Variants in EPHA7 observed in about 807,000 individuals in gnomAD.
EPHA7 encodes ephrin type-A receptor 7.
A neutral mutation model predicts 112.6 loss-of-function variants in EPHA7; 25 were observed. That is an observed-to-expected ratio of 0.22 (90% CI 0.16 to 0.31). EPHA7 has a LOEUF of 0.31. EPHA7 is among the 10% of genes least tolerant of loss of function. The pLI is 1.00. For synonymous variants in EPHA7, 437 were observed against 406.5 expected (o/e 1.07, Z -0.90); for missense variants, 962 against 1,212.6 (o/e 0.79, Z 3.07).
chr6:93,344,766 C>T (rs966109696), intron 5 of EPHA7, among the ~76,000 whole-genome samples: 12 of 151,556 alleles, frequency 7.9e-5, no homozygotes, highest in South Asian at 4.1e-4. Flanking sequence ...GAGAAAATTT[C>T]CCTTCCTTTG....
At chr6:93,418,905 T>G (rs964749157) in intron 1 of EPHA7, among the ~76,000 whole-genome samples, 3 of 152,162 alleles carry the variant, frequency 2.0e-5, no homozygotes, top group African/African-American at 7.2e-5. Context: ...TAGAGAGAGA[T>G]GTGACCCGCC....
At chr6:93,377,859 G>A (rs919530533) in intron 3 of EPHA7, among the ~76,000 whole-genome samples, 14 of 151,938 alleles carry the variant, frequency 9.2e-5, no homozygotes, top group African/African-American at 2.4e-4. Flanking sequence ...TCAGTCATTC[G>A]CTAATTCATT....
chr6:93,398,952 CGTGTTTTCCCAGTTCCA>C (rs1475070654), intron 3 of EPHA7, among the ~76,000 whole-genome samples: 1 of 152,070 alleles, frequency 6.6e-6, no homozygotes, highest in Non-Finnish European at 1.5e-5. Context: ...TCTTGAGCCA[CGTGTTTTCCCAGTTCCA>C]GCTCACAGCC....
intron 1 of EPHA7, among the ~76,000 whole-genome samples, chr6:93,418,711 G>T (rs1213231289): frequency 2.0e-5 from 3 of 152,216 alleles, no homozygotes. Context: ...GACGCAGTGA[G>T]CACTTCATTA....
At chr6:93,363,116 G>A (rs187938138) in intron 3 of EPHA7, among the ~76,000 whole-genome samples, 14 of 152,110 alleles carry the variant, frequency 9.2e-5, no homozygotes, top group African/African-American at 2.9e-4. Flanking sequence ...ACATTAGGAA[G>A]GCTTTGATAG....
chr6:93,285,717 T>C (rs1377527655), intron 5 of EPHA7, among the ~76,000 whole-genome samples: 2 of 152,246 alleles, frequency 1.3e-5, no homozygotes, highest in East Asian at 3.8e-4. Flanking sequence ...GTTGTCTGCC[T>C]GTCTCCTTCT....
At chr6:93,380,222 T>C (rs1777267717) in intron 3 of EPHA7, among the ~76,000 whole-genome samples, 1 of 152,048 alleles carries the variant, frequency 6.6e-6, no homozygotes, top group Non-Finnish European at 1.5e-5. Flanking sequence ...CTCTCATAAT[T>C]CCTGCGCTCC....
At chr6:93,373,734 C>CT (rs1481832937) in intron 3 of EPHA7, among the ~76,000 whole-genome samples, 2 of 151,668 alleles carry the variant, frequency 1.3e-5, no homozygotes, top group Non-Finnish European at 2.9e-5. Context: ...GGTTTATGCT[C>CT]TATTTGTCAC....
chr6:93,254,567 T>A, intron 14 of EPHA7, 80 bp downstream of exon 14: 1 of 1,126,446 alleles, frequency 8.9e-7, no homozygotes, highest in East Asian at 2.5e-5. Context: ...GTGTTCTTAA[T>A]GAGCCTTTAC....
At chr6:93,316,184 A>C (rs1773800808) in intron 5 of EPHA7, among the ~76,000 whole-genome samples, 1 of 152,176 alleles carries the variant, frequency 6.6e-6, no homozygotes, top group African/African-American at 2.4e-5. Context: ...TACTCCCTCA[A>C]ACCATAACTG....
intron 3 of EPHA7, among the ~76,000 whole-genome samples, chr6:93,383,146 C>T (rs1777424888): frequency 6.6e-6 from 1 of 151,942 alleles, no homozygotes; most frequent in African/African-American, 2.4e-5. Context: ...TTAACACTTA[C>T]CAAGCATTTA....
chr6:93,279,059 T>C (rs2127893680), intron 5 of EPHA7, among the ~76,000 whole-genome samples: 1 of 152,186 alleles, frequency 6.6e-6, no homozygotes, highest in Middle Eastern at 3.4e-3. Flanking sequence ...GAGCAGAGAT[T>C]TTTTAAATGG....
At chr6:93,247,029 A>G (rs2127847441) in intron 14 of EPHA7, 44 bp from the exon 15 acceptor site, 1 of 1,481,344 alleles carries the variant, frequency 6.8e-7, no homozygotes, top group Non-Finnish European at 9.1e-7. Context: ...ATTTAGGTTC[A>G]ATTATAATAA....
chr6:93,264,549 AACAAT>A lies in EPHA7; in HGVS notation c.1742+40_1742+44del, dbSNP rs759615504. The A allele has an allele frequency of 2.4e-6, 3 of 1,274,218 alleles. No homozygotes were observed. In the African/African-American group the frequency reaches 4.5e-5, roughly 19 times the overall value. 78.9% of individuals were successfully genotyped at this position (1,274,218 alleles called of 1,614,324 possible). On this transcript the variant is annotated intron_variant, in intron 8 of 16. Coordinates refer to ENST00000369303, the MANE Select transcript of EPHA7 (RefSeq NM_004440.4). ...TAATAGGCTGACATAATTCTTAAAAAACAATACATTTTATGTTAGAGATTAGAACA... is the reference window on the plus strand; with the variant it reads ...TAATAGGCTGACATAATTCTTAAAAAACATTTTATGTTAGAGATTAGAACA...
chr6:93,357,752 C>G (rs1449429844), intron 4 of EPHA7, among the ~76,000 whole-genome samples: 2 of 151,314 alleles, frequency 1.3e-5, no homozygotes, highest in African/African-American at 4.9e-5. Context: ...CTCCCAGGTT[C>G]AAGTGATTCT....
intron 6 of EPHA7, 126 bp from the exon 7 acceptor site, chr6:93,269,786 T>C (rs2127877984): frequency 2.9e-6 from 2 of 686,738 alleles, no homozygotes; most frequent in East Asian, 3.1e-5. Flanking sequence ...CTTTGTGGAA[T>C]ATTATAAAGT....
At position 93,410,391 on chromosome 6, in the gene EPHA7, G is replaced by A. The variant is rs553070041; in HGVS notation, c.832+110C>T. The A allele has an allele frequency of 2.3e-5, 23 of 991,682 alleles. No homozygotes were observed. The highest frequency in any genetic ancestry group is 3.0e-5 in the Non-Finnish European group (20 of 670,420). The allele number at this position is 991,682 out of a possible 1,614,324, so 61.4% of individuals were successfully genotyped here. On this transcript the variant is annotated intron_variant, in intron 3 of 16. Coordinates refer to ENST00000369303, the MANE Select transcript of EPHA7 (RefSeq NM_004440.4). The surrounding 1 kb of genome is among the most constrained non-coding windows in gnomAD (Gnocchi z 4.0). Reference sequence around the variant, plus strand: ...CTTTGTTTAAGATCTACTGAATTGCGCTTCTGGTACAGAGCAGATTCACGT... The same window carrying A: ...CTTTGTTTAAGATCTACTGAATTGCACTTCTGGTACAGAGCAGATTCACGT...
intron 2 of EPHA7, among the ~76,000 whole-genome samples, chr6:93,411,801 T>G (rs892982575): frequency 2.0e-5 from 3 of 152,120 alleles, no homozygotes; most frequent in African/African-American, 7.2e-5. Context: ...AAATAAGTAG[T>G]TATAAGAGTA....
chr6:93,316,486 A>C (rs1773818096), intron 5 of EPHA7, among the ~76,000 whole-genome samples: 1 of 152,126 alleles, frequency 6.6e-6, no homozygotes, highest in African/African-American at 2.4e-5. Flanking sequence ...CTTGTATTAT[A>C]TTACATACTG....
Sources: allele counts gnomAD v4.1 joint callset (sites outside exome capture counted in the v4.1 genomes callset), GRCh38; gene constraint gnomAD v4.1.1; non-coding constraint Gnocchi (gnomAD v3.1); transcripts MANE v1.5; gene names NCBI Gene and HGNC (gene_info 2026-07-23, HGNC 2026-07-21).